Variants in LRRTM4 observed in about 807,000 individuals in gnomAD.
LRRTM4 encodes the protein leucine rich repeat transmembrane neuronal 4, also known as leucine-rich repeat transmembrane neuronal protein 4.
Under a neutral mutation model 47.6 loss-of-function variants are expected in LRRTM4, and 25 were observed. The observed-to-expected ratio is 0.53, with a 90% CI of 0.38 to 0.73. The LOEUF is 0.73. LRRTM4 is among the 30% of genes least tolerant of loss of function. LRRTM4 has a pLI of 0.00. For synonymous variants in LRRTM4, 311 were observed against 269.5 expected, an observed-to-expected ratio of 1.15 and a Z score of -1.51; for missense variants, 638 against 713.4, an observed-to-expected ratio of 0.89 and a Z score of 1.20.
intron 3 of LRRTM4, among the ~76,000 whole-genome samples, chr2:77,351,370 AT>A (rs1384703940): frequency 6.6e-6 from 1 of 151,830 alleles, no homozygotes; most frequent in Non-Finnish European, 1.5e-5. Flanking sequence ...CAGCAGCTAT[AT>A]TTGAAGATGT....
chr2:77,002,462 T>C (rs1296873780), intron 3 of LRRTM4, among the ~76,000 whole-genome samples: 1 of 152,152 alleles, frequency 6.6e-6, no homozygotes, highest in Non-Finnish European at 1.5e-5. Context: ...TGTTTCCCCA[T>C]AACCACCATT....
intron 3 of LRRTM4, among the ~76,000 whole-genome samples, chr2:76,852,543 T>A (rs1182004940): frequency 6.6e-6 from 1 of 152,116 alleles, no homozygotes; most frequent in Admixed American, 6.6e-5. Flanking sequence ...TTTGCTATTA[T>A]CTTATGTTAT....
At chr2:77,372,248 T>G (rs879343025) in intron 3 of LRRTM4, among the ~76,000 whole-genome samples, 1 of 151,784 alleles carries the variant, frequency 6.6e-6, no homozygotes, top group Non-Finnish European at 1.5e-5. Context: ...TTTTGTTATA[T>G]AAACATCCTT....
At chr2:77,199,060 G>A (rs1000675543) in intron 3 of LRRTM4, among the ~76,000 whole-genome samples, 8 of 152,046 alleles carry the variant, frequency 5.3e-5, no homozygotes, top group African/African-American at 1.9e-4. Context: ...GCACTTTGGA[G>A]CCTTGATCAC....
chr2:76,809,445 T>C (rs1324384794), intron 3 of LRRTM4, among the ~76,000 whole-genome samples: 1 of 152,162 alleles, frequency 6.6e-6, no homozygotes, highest in African/African-American at 2.4e-5. Flanking sequence ...TCCATGACTC[T>C]TCATTTTCAT....
At chr2:76,805,619 GT>G (rs1420188040) in intron 3 of LRRTM4, among the ~76,000 whole-genome samples, 2 of 152,132 alleles carry the variant, frequency 1.3e-5, no homozygotes, top group Admixed American at 6.6e-5. Context: ...TTAAATTAAT[GT>G]TTTTAGGGCA....
At chr2:77,173,806 A>G (rs2103840290) in intron 3 of LRRTM4, among the ~76,000 whole-genome samples, 1 of 152,178 alleles carries the variant, frequency 6.6e-6, no homozygotes, top group South Asian at 2.1e-4. Flanking sequence ...CCTTCCCCCA[A>G]GATCCTTAGC....
intron 3 of LRRTM4, among the ~76,000 whole-genome samples, chr2:76,946,870 C>T (rs552299354): frequency 1.8e-4 from 27 of 151,866 alleles, no homozygotes; most frequent in African/African-American, 4.1e-4. Flanking sequence ...ATTATTTATG[C>T]GCCATTATTT....
chr2:77,043,992 G>A (rs999936823), intron 3 of LRRTM4, among the ~76,000 whole-genome samples: 1 of 151,512 alleles, frequency 6.6e-6, no homozygotes, highest in East Asian at 1.9e-4. Flanking sequence ...GGTGTGCAAT[G>A]CTCCCATATG....
chr2:77,283,786 C>T (rs114887313), intron 3 of LRRTM4, among the ~76,000 whole-genome samples: 3,039 of 151,958 alleles, frequency 0.02, 97 homozygotes, highest in African/African-American at 0.069. Flanking sequence ...TACTCATGGA[C>T]TTAACTTGGC....
chr2:77,372,948 A>AT (rs1274572776), intron 3 of LRRTM4, among the ~76,000 whole-genome samples: 171 of 131,002 alleles, frequency 1.3e-3, no homozygotes, highest in Middle Eastern at 7.5e-3. Flanking sequence ...TGACTTCTGA[A>AT]TAAAAAAAAA....
At chr2:76,882,195 T>C (rs1405947871) in intron 3 of LRRTM4, among the ~76,000 whole-genome samples, 2 of 152,142 alleles carry the variant, frequency 1.3e-5, no homozygotes, top group Admixed American at 6.5e-5. Context: ...ATATAAGATA[T>C]TAATATTTTC....
rs551649412 is a variant in LRRTM4, at chr2:77,477,793, C to T, written c.1551+40525G>A. ...GGTAGAGGTTGCGGTGAGCCCAGAT[C>T]GCACCATCACACTCCAGCCTGCGCA... On this transcript the variant is annotated intron_variant, in intron 3 of 3. Transcript: ENST00000409884. Among the ~76,000 whole-genome samples, 23 of 144,366 alleles carry T rather than the reference C, an allele frequency of 1.6e-4. 1 individual carries two copies. The highest frequency in any genetic ancestry group is 6.7e-3 in the Middle Eastern group (2 of 298). The allele number at this position is 144,366 out of a possible 152,430, so 94.7% of individuals were successfully genotyped here.
At chr2:77,211,357 C>T (rs1674287741) in intron 3 of LRRTM4, among the ~76,000 whole-genome samples, 1 of 152,114 alleles carries the variant, frequency 6.6e-6, no homozygotes, top group African/African-American at 2.4e-5. Flanking sequence ...AATGCTTTGG[C>T]TTCTCCTAGC....
At position 76,841,701 on chromosome 2, in the gene LRRTM4, A is replaced by G. The variant is rs1671689383; in HGVS notation, c.1552-92785T>C. ...AAACTTTACTGTGTATATATATATA[A>G]AAGAATTCAAGACAAAATAGACAAA... is the stretch of plus-strand genomic sequence containing the variant. On this transcript the variant is annotated intron_variant, in intron 3 of 3. Coordinates refer to ENST00000409884, the MANE Select transcript of LRRTM4 (RefSeq NM_001134745.3). Among the ~76,000 whole-genome samples, 3 of 150,864 alleles carry G rather than the reference A, an allele frequency of 2.0e-5. No individual in the cohort carries two copies. In the South Asian group the frequency reaches 6.3e-4, roughly 31 times the overall value.
At chr2:76,849,724 C>T (rs1007756145) in intron 3 of LRRTM4, among the ~76,000 whole-genome samples, 14 of 151,662 alleles carry the variant, frequency 9.2e-5, no homozygotes, top group African/African-American at 1.2e-4. Flanking sequence ...CAAATGCTTG[C>T]GAAAAGATTA....
At chr2:77,206,179 ATTTTTTTT>A (rs35378906) in intron 3 of LRRTM4, among the ~76,000 whole-genome samples, 125 of 126,954 alleles carry the variant, frequency 9.8e-4, no homozygotes, top group African/African-American at 3.7e-3. Flanking sequence ...TCAAAATTCT[ATTTTTTTT>A]TTTTTTTTTG....
chr2:77,023,413 G>A (rs1002145491), intron 3 of LRRTM4, among the ~76,000 whole-genome samples: 2 of 152,206 alleles, frequency 1.3e-5, no homozygotes, highest in Non-Finnish European at 2.9e-5. Flanking sequence ...AATACCTGCA[G>A]CTGGCTTGAA....
chr2:77,378,692 C>A (rs1271251876), intron 3 of LRRTM4, among the ~76,000 whole-genome samples: 1 of 152,112 alleles, frequency 6.6e-6, no homozygotes, highest in African/African-American at 2.4e-5. Flanking sequence ...AGCTTTGAAG[C>A]CAGGCTTACT....
Sources: gnomAD v4.1 joint callset for allele counts (sites outside exome capture counted in the v4.1 genomes callset) on GRCh38, gnomAD v4.1.1 for gene constraint, MANE v1.5 for transcripts, NCBI Gene and HGNC (gene_info 2026-07-23, HGNC 2026-07-21) for gene names.